FRMD3: variants seen among roughly 807,000 people sequenced by gnomAD.
The protein encoded by FRMD3 is FERM domain-containing protein 3.
FRMD3 carries 33 observed loss-of-function variants against 70.2 expected under a neutral mutation model. The observed-to-expected ratio is 0.47, with a 90% CI of 0.36 to 0.63. FRMD3 has a LOEUF of 0.63. Ranked by LOEUF, FRMD3 falls within the 20% of genes least tolerant of loss-of-function variation. The pLI is 0.00. For synonymous variants in FRMD3, 279 were observed against 255.9 expected (o/e 1.09, Z -0.86); for missense variants, 632 against 711.4 (o/e 0.89, Z 1.27).
the FRMD3 span, among the ~76,000 whole-genome samples, chr9:83,568,943 G>GATAT: frequency 8.0e-6 from 1 of 124,636 alleles, no homozygotes; most frequent in Non-Finnish European, 1.7e-5. Context: ...TAGATAGATA[G>GATAT]ATAGATAGAT....
At chr9:83,324,396 G>GTGA (rs1835929310) in intron 6 of FRMD3, among the ~76,000 whole-genome samples, 1 of 152,142 alleles carries the variant, frequency 6.6e-6, no homozygotes, top group Non-Finnish European at 1.5e-5. Flanking sequence ...AGAACAGCTG[G>GTGA]TGATGTTCTC....
intron 1 of FRMD3, among the ~76,000 whole-genome samples, chr9:83,514,977 C>T (rs538940505): frequency 1.3e-5 from 2 of 152,214 alleles, no homozygotes; most frequent in African/African-American, 4.8e-5. Flanking sequence ...AAAGCAAAGA[C>T]CAAAGGTAGA....
chr9:83,549,706 T>C, the FRMD3 span, among the ~76,000 whole-genome samples: 125 of 152,300 alleles, frequency 8.2e-4, no homozygotes, highest in Middle Eastern at 3.4e-3. Flanking sequence ...ATCAGTGATA[T>C]CGAGCATTTT....
intron 1 of FRMD3, among the ~76,000 whole-genome samples, chr9:83,415,730 G>C (rs1011776337): frequency 2.7e-5 from 4 of 150,850 alleles, no homozygotes; most frequent in African/African-American, 9.8e-5. Flanking sequence ...AAATTGCTGG[G>C]ATTACAGGCG....
chr9:83,373,621 T>G (rs1160186735), intron 2 of FRMD3, among the ~76,000 whole-genome samples: 1 of 141,390 alleles, frequency 7.1e-6, no homozygotes, highest in African/African-American at 2.6e-5. Flanking sequence ...TCCCAGTGGC[T>G]GGCCCTCTCT....
At chr9:83,438,413 T>TTTTGTTTTGTTTTG (rs10651216) in intron 1 of FRMD3, among the ~76,000 whole-genome samples, 1,871 of 151,214 alleles carry the variant, frequency 0.012, 46 homozygotes, top group African/African-American at 0.043. Flanking sequence ...GAGAGTTTTT[T>TTTTGTTTTGTTTTG]TTTTGTTTTG....
chr9:83,411,778 T>C (rs1231388554), intron 1 of FRMD3, among the ~76,000 whole-genome samples: 1 of 152,212 alleles, frequency 6.6e-6, no homozygotes, highest in Non-Finnish European at 1.5e-5. Flanking sequence ...GTATGCAATT[T>C]TTCACCTCAT....
chr9:83,493,798 C>T (rs1337378135), intron 1 of FRMD3, among the ~76,000 whole-genome samples: 1 of 152,152 alleles, frequency 6.6e-6, no homozygotes, highest in Admixed American at 6.5e-5. Flanking sequence ...CCTATTAATC[C>T]CTTCACACGC....
At chr9:83,343,942 TG>T (rs1167006215) in intron 4 of FRMD3, among the ~76,000 whole-genome samples, 1 of 152,196 alleles carries the variant, frequency 6.6e-6, no homozygotes, top group Non-Finnish European at 1.5e-5. Context: ...GGAAGCAGGA[TG>T]GGACACAGCA....
chr9:83,558,286 G>GCA, the FRMD3 span, among the ~76,000 whole-genome samples: 1 of 152,084 alleles, frequency 6.6e-6, no homozygotes, highest in African/African-American at 2.4e-5. Flanking sequence ...GTGCGCGCGC[G>GCA]CACGCACATG....
chr9:83,492,310 C>A (rs1400098177), intron 1 of FRMD3, among the ~76,000 whole-genome samples: 1 of 152,184 alleles, frequency 6.6e-6, no homozygotes, highest in African/African-American at 2.4e-5. Context: ...CAATAAGGCA[C>A]GTCCATTAAG....
intron 13 of FRMD3, among the ~76,000 whole-genome samples, chr9:83,255,890 A>G (rs2118616911): frequency 6.6e-6 from 1 of 152,278 alleles, no homozygotes; most frequent in East Asian, 1.9e-4. Flanking sequence ...ACAAATGGAA[A>G]AACATTCCAT....
chr9:83,581,593 T>C, the FRMD3 span, among the ~76,000 whole-genome samples: 1 of 152,306 alleles, frequency 6.6e-6, no homozygotes, highest in African/African-American at 2.4e-5. Context: ...TATGATTCAA[T>C]AATTCCATTC....
intron 3 of FRMD3, among the ~76,000 whole-genome samples, chr9:83,363,619 T>G (rs1041124369): frequency 1.4e-5 from 2 of 145,342 alleles, no homozygotes; most frequent in Non-Finnish European, 3.0e-5. Flanking sequence ...AGTGGCGCGA[T>G]CTTGGCTCAC....
At chr9:83,455,653 A>G (rs1310401427) in intron 1 of FRMD3, among the ~76,000 whole-genome samples, 1 of 152,210 alleles carries the variant, frequency 6.6e-6, no homozygotes, top group African/African-American at 2.4e-5. Flanking sequence ...ATATATATAT[A>G]CATCAGTGTG....
At chr9:83,332,434 CCTAT>C in intron 6 of FRMD3, among the ~76,000 whole-genome samples, 1 of 151,642 alleles carries the variant, frequency 6.6e-6, no homozygotes, top group East Asian at 2.0e-4. Flanking sequence ...GTTATTCTTG[CCTAT>C]CTATCAGGCC....
chr9:83,575,501 G>C, the FRMD3 span, among the ~76,000 whole-genome samples: 1 of 152,122 alleles, frequency 6.6e-6, no homozygotes, highest in Non-Finnish European at 1.5e-5. Flanking sequence ...ATCAATGGTA[G>C]TTAGGAAGCC....
chr9:83,368,950 G>A (rs936660946), intron 3 of FRMD3, among the ~76,000 whole-genome samples: 1 of 152,024 alleles, frequency 6.6e-6, no homozygotes, highest in Admixed American at 6.6e-5. Context: ...CAACTCCCTG[G>A]TTCAAGCGAT....
rs199655741 is a variant in FRMD3, at chr9:83,248,529, A to AT, written c.1196-14dup. 1,841 of 1,517,184 alleles carry AT rather than the reference A, an allele frequency of 1.2e-3. 10 individuals are homozygous for AT. Among genetic ancestry groups the AT allele is most frequent in the Admixed American group, 5.8e-4 (26 of 44,780 alleles). The allele number at this position is 1,517,184 out of a possible 1,614,324, so 94.0% of individuals were successfully genotyped here. A position where few individuals can be genotyped will look rare whatever the true frequency, so the allele number is the denominator to read the frequency against. On this transcript the variant is annotated splice_polypyrimidine_tract_variant and intron_variant, in intron 13 of 13. Transcript: ENST00000304195. ...GGCAATGGAACACCTGTAAAGAGAC[A>AT]TTTTTTTTTCTAAATTTAAAATTTC...
Sources: allele counts gnomAD v4.1 joint callset (sites outside exome capture counted in the v4.1 genomes callset), GRCh38; gene constraint gnomAD v4.1.1; transcripts MANE v1.5; gene names NCBI Gene and HGNC (gene_info 2026-07-23, HGNC 2026-07-21).